The following LHFPL3 variants were observed in gnomAD, a reference collection of about 807,000 sequenced individuals.
LHFPL3 encodes LHFPL tetraspan subfamily member 3.
In LHFPL3, 5 loss-of-function variants were observed where a neutral mutation model predicts 19.3. That is an observed-to-expected ratio of 0.26 (90% CI 0.14 to 0.54). LHFPL3 has a LOEUF of 0.54. Among genes scored for constraint, LHFPL3 ranks in the 20% least tolerant of loss-of-function variants. The pLI, the probability that LHFPL3 is intolerant of heterozygous loss-of-function variation, is 0.94. For missense variants in LHFPL3, 249 were observed against 307.4 expected (o/e 0.81, Z 1.42); for synonymous variants, 133 against 126.2 (o/e 1.05, Z -0.36).
At chr7:104,592,335 T>G (rs899478952) in intron 1 of LHFPL3, among the ~76,000 whole-genome samples, 4 of 152,050 alleles carry the variant, frequency 2.6e-5, no homozygotes, top group African/African-American at 9.7e-5. Context: ...TTAATTTTCC[T>G]TCTAACAGTA....
intron 1 of LHFPL3, among the ~76,000 whole-genome samples, chr7:104,368,912 G>A (rs192247596): frequency 5.9e-5 from 9 of 152,192 alleles, no homozygotes; most frequent in Admixed American, 3.3e-4. Context: ...AACACATATA[G>A]CCCTTACTAC....
intron 2 of LHFPL3, among the ~76,000 whole-genome samples, chr7:104,810,197 C>G (rs1217511568): frequency 1.1e-4 from 17 of 152,252 alleles, no homozygotes; most frequent in Admixed American, 3.9e-4. Context: ...ATGAGGAGTG[C>G]CAAAGGTAGT....
chr7:104,385,747 A>G (rs985157919), intron 1 of LHFPL3, among the ~76,000 whole-genome samples: 3 of 152,204 alleles, frequency 2.0e-5, no homozygotes, highest in African/African-American at 4.8e-5. Context: ...TTTCTTATCT[A>G]TATTATAATG....
chr7:104,487,554 C>G lies in LHFPL3; in HGVS notation c.445+158330C>G, dbSNP rs117623452. ...TTTGGGATGTGGGAGGAAGCTGGAGCACCCAGAGAAAACCCATGCAGACAC... is the reference window on the plus strand; with the variant it reads ...TTTGGGATGTGGGAGGAAGCTGGAGGACCCAGAGAAAACCCATGCAGACAC... On this transcript the variant is annotated intron_variant, in intron 1 of 2. Transcript: ENST00000424859. Among the ~76,000 whole-genome samples the G allele has an allele frequency of 6.6e-5, 10 of 152,300 alleles. No homozygotes were observed. The East Asian group carries it at 7.7e-4, about 12-fold the overall frequency.
intron 1 of LHFPL3, among the ~76,000 whole-genome samples, chr7:104,501,972 A>G (rs1012502660): frequency 6.6e-6 from 1 of 152,242 alleles, no homozygotes; most frequent in Non-Finnish European, 1.5e-5. Context: ...AACTGAAAGG[A>G]ATTTCAAAAT....
intron 2 of LHFPL3, among the ~76,000 whole-genome samples, chr7:104,827,372 G>T (rs982444883): frequency 6.6e-6 from 1 of 151,996 alleles, no homozygotes; most frequent in Non-Finnish European, 1.5e-5. Context: ...TCAGTCTACT[G>T]ATTTGGTATA....
At chr7:104,743,843 CT>C (rs532727485) in intron 2 of LHFPL3, among the ~76,000 whole-genome samples, 1 of 151,320 alleles carries the variant, frequency 6.6e-6, no homozygotes, top group Non-Finnish European at 1.5e-5. Flanking sequence ...TTCTTTTTTC[CT>C]TTTTTTTGAG....
intron 2 of LHFPL3, chr7:104,845,346 C>T: frequency 1.6e-6 from 2 of 1,225,506 alleles, no homozygotes; most frequent in East Asian, 2.5e-5. Context: ...CTTATTTTAC[C>T]TTTAACCGTT....
chr7:104,693,491 TG>T (rs1007364742), intron 1 of LHFPL3, among the ~76,000 whole-genome samples: 3 of 152,110 alleles, frequency 2.0e-5, no homozygotes, highest in Non-Finnish European at 2.9e-5. Flanking sequence ...AATTGAATCA[TG>T]GGGGCAGTTT....
chr7:104,430,420 A>ATT (rs1562895215), intron 1 of LHFPL3, among the ~76,000 whole-genome samples: 1 of 11,810 alleles, frequency 8.5e-5, no homozygotes, highest in Admixed American at 1.2e-3. Flanking sequence ...ATATATATAC[A>ATT]TATATATATA....
At chr7:104,456,950 C>T (rs1792553765) in intron 1 of LHFPL3, among the ~76,000 whole-genome samples, 1 of 152,062 alleles carries the variant, frequency 6.6e-6, no homozygotes, top group South Asian at 2.1e-4. Context: ...CTGCAGGTAA[C>T]TGAAACCACA....
chr7:104,696,227 G>T (rs1479001914), intron 1 of LHFPL3, among the ~76,000 whole-genome samples: 1 of 152,216 alleles, frequency 6.6e-6, no homozygotes, highest in Admixed American at 6.5e-5. Flanking sequence ...TGGGTCTACA[G>T]GCGTGAGCCA....
intron 1 of LHFPL3, among the ~76,000 whole-genome samples, chr7:104,695,451 G>C (rs1792980805): frequency 6.6e-6 from 1 of 152,130 alleles, no homozygotes; most frequent in Admixed American, 6.5e-5. Context: ...TTTTTGTTGG[G>C]TCTCCCAGTT....
At position 104,669,263 on chromosome 7, in the gene LHFPL3, G is replaced by C. The variant is rs1457487497; in HGVS notation, c.446-67412G>C. 3 of 1,613,930 alleles carry C rather than the reference G, an allele frequency of 1.9e-6. No individual in the cohort carries two copies. The African/African-American group carries it at 4.0e-5, about 22-fold the overall frequency. ...ACAGAGCAGCAATCCCCTACAAGTG[G>C]TGGGGGAAAAGTAGCTCCAGCTCAA... On this transcript the variant is annotated intron_variant, in intron 1 of 2. Transcript: ENST00000424859.
intron 1 of LHFPL3, among the ~76,000 whole-genome samples, chr7:104,567,221 C>T (rs1289553316): frequency 6.6e-6 from 1 of 151,964 alleles, no homozygotes; most frequent in Non-Finnish European, 1.5e-5. Context: ...TTTCTTTTAC[C>T]AATGTATTAC....
At chr7:104,503,305 T>C (rs1400311734) in intron 1 of LHFPL3, among the ~76,000 whole-genome samples, 2 of 152,078 alleles carry the variant, frequency 1.3e-5, no homozygotes, top group Non-Finnish European at 2.9e-5. Context: ...CGCACACATA[T>C]ATGAATGTGT....
chr7:104,824,582 AATAT>A (rs1450099746), intron 2 of LHFPL3, among the ~76,000 whole-genome samples: 1 of 66,006 alleles, frequency 1.5e-5, no homozygotes, highest in Admixed American at 2.8e-4. Flanking sequence ...TTTTATATAT[AATAT>A]ATATAATTAT....
At position 104,762,476 on chromosome 7, in the gene LHFPL3, G is replaced by A. The variant is rs115342029; in HGVS notation, c.682+25565G>A. ...GGCCATAGAACTAAATACGGAAGAG[G>A]AGACCAAGGGCAGGAGGGGTAAGGC... On this transcript the variant is annotated intron_variant, in intron 2 of 2. Coordinates refer to ENST00000424859, the MANE Select transcript of LHFPL3 (RefSeq NM_199000.3). Among the ~76,000 whole-genome samples the A allele has an allele frequency of 6.8e-3, 1,040 of 152,256 alleles. 7 individuals carry two copies. The highest frequency in any genetic ancestry group is 0.023 in the African/African-American group (939 of 41,524).
At chr7:104,851,002 A>C (rs1215153240) in intron 2 of LHFPL3, among the ~76,000 whole-genome samples, 3 of 152,188 alleles carry the variant, frequency 2.0e-5, no homozygotes, top group Non-Finnish European at 4.4e-5. Context: ...ACTTTGACAG[A>C]TTCTGCTCTA....
Sources: allele counts gnomAD v4.1 joint callset (sites outside exome capture counted in the v4.1 genomes callset), GRCh38; gene constraint gnomAD v4.1.1; transcripts MANE v1.5; gene names NCBI Gene and HGNC (gene_info 2026-07-23, HGNC 2026-07-21).